Variants in FRMD4A observed in about 807,000 individuals in gnomAD.
The protein encoded by FRMD4A is FERM domain containing 4A, also known as FERM domain-containing protein 4A.
FRMD4A carries 29 observed loss-of-function variants against 129.1 expected under a neutral mutation model. The observed-to-expected ratio is 0.22, with a 90% CI of 0.17 to 0.31. The LOEUF is 0.31. Ranked by LOEUF, FRMD4A falls within the 10% of genes least tolerant of loss-of-function variation. The pLI is 1.00. For missense variants in FRMD4A, 1,272 were observed against 1,375.8 expected, an observed-to-expected ratio of 0.92 and a Z score of 1.19; for synonymous variants, 634 against 571.6, an observed-to-expected ratio of 1.11 and a Z score of -1.56.
At chr10:13,955,922 T>C (rs2095407458) in intron 2 of FRMD4A, among the ~76,000 whole-genome samples, 1 of 152,356 alleles carries the variant, frequency 6.6e-6, no homozygotes, top group South Asian at 2.1e-4. Context: ...GTTTCTCCCA[T>C]TCTTGGCTTG....
intron 2 of FRMD4A, among the ~76,000 whole-genome samples, chr10:14,055,541 G>C (rs1588881426): frequency 6.6e-6 from 1 of 151,350 alleles, no homozygotes; most frequent in African/African-American, 2.4e-5. Context: ...CAAACTATAC[G>C]ATCACTAGAT....
chr10:14,313,991 C>G (rs1846647268), intron 2 of FRMD4A, among the ~76,000 whole-genome samples: 1 of 152,146 alleles, frequency 6.6e-6, no homozygotes, highest in Non-Finnish European at 1.5e-5. Flanking sequence ...CAAAGTCCAC[C>G]CTAATTAGGT....
At chr10:13,656,283 G>T (rs1233882449) in intron 22 of FRMD4A, among the ~76,000 whole-genome samples, 1 of 152,162 alleles carries the variant, frequency 6.6e-6, no homozygotes, top group Non-Finnish European at 1.5e-5. Context: ...CTCCTCACTA[G>T]GGTAAAAGAC....
intron 24 of FRMD4A, chr10:13,651,688 CTG>C: frequency 7.1e-6 from 4 of 567,034 alleles, no homozygotes; most frequent in Non-Finnish European, 1.3e-5. Flanking sequence ...AAAACATACT[CTG>C]GGGGTCTTTT....
chr10:13,755,599 C>T (rs183982585), intron 8 of FRMD4A, among the ~76,000 whole-genome samples: 1 of 152,174 alleles, frequency 6.6e-6, no homozygotes, highest in Non-Finnish European at 1.5e-5. Context: ...AGGTGAAAAT[C>T]AATTTTCCTT....
At chr10:14,264,644 A>T (rs1018668) in intron 2 of FRMD4A, among the ~76,000 whole-genome samples, 14,342 of 152,246 alleles carry the variant, frequency 0.094, 1,658 homozygotes, top group African/African-American at 0.27. Context: ...GAATTCCTAC[A>T]GACTATTTAA....
chr10:13,722,869 TTGGTTAGCTAGGTCACCATGC>T (rs1430778812), intron 12 of FRMD4A, among the ~76,000 whole-genome samples: 2 of 151,370 alleles, frequency 1.3e-5, no homozygotes, highest in African/African-American at 4.9e-5. Context: ...GGTCCCTATG[TTGGTTAGCTAGGTCACCATGC>T]TGGTTAGCTA....
chr10:14,230,440 A>C (rs974967995), intron 2 of FRMD4A, among the ~76,000 whole-genome samples: 1 of 152,188 alleles, frequency 6.6e-6, no homozygotes, highest in Admixed American at 6.5e-5. Flanking sequence ...CTAAATCACA[A>C]AATGATTGTG....
chr10:14,318,155 T>C (rs1589305338), intron 2 of FRMD4A, among the ~76,000 whole-genome samples: 1 of 152,290 alleles, frequency 6.6e-6, no homozygotes, highest in East Asian at 1.9e-4. Context: ...ACAATATTAA[T>C]GACCAACTAG....
At chr10:14,036,489 T>C (rs1276800784) in intron 2 of FRMD4A, among the ~76,000 whole-genome samples, 3 of 152,192 alleles carry the variant, frequency 2.0e-5, no homozygotes, top group African/African-American at 7.2e-5. Flanking sequence ...GAGCGGAGTA[T>C]AGTGATGCTT....
At chr10:14,044,873 A>C (rs1833921889) in intron 2 of FRMD4A, among the ~76,000 whole-genome samples, 1 of 152,208 alleles carries the variant, frequency 6.6e-6, no homozygotes, top group South Asian at 2.1e-4. Context: ...CGTCTACCAG[A>C]TTGAATTCAG....
At chr10:13,796,679 A>T in intron 4 of FRMD4A, 91 bp from the exon 5 acceptor site, 1 of 694,852 alleles carries the variant, frequency 1.4e-6, no homozygotes. Flanking sequence ...AACGTGCTGG[A>T]TCGTAGATAA....
At chr10:13,782,635 G>C (rs1458855898) in intron 6 of FRMD4A, among the ~76,000 whole-genome samples, 1 of 151,880 alleles carries the variant, frequency 6.6e-6, no homozygotes, top group Non-Finnish European at 1.5e-5. Context: ...GTAGAGACAG[G>C]GTTTCACCAC....
At chr10:13,863,057 A>T (rs1304254102) in intron 2 of FRMD4A, among the ~76,000 whole-genome samples, 1 of 152,020 alleles carries the variant, frequency 6.6e-6, no homozygotes, top group Non-Finnish European at 1.5e-5. Context: ...GTCAACTGGC[A>T]ACCATTCCAA....
At chr10:14,245,313 C>T (rs1204084759) in intron 2 of FRMD4A, among the ~76,000 whole-genome samples, 11 of 152,174 alleles carry the variant, frequency 7.2e-5, no homozygotes, top group Admixed American at 7.2e-4. Context: ...GAGGTATGGG[C>T]AGGTTATTTG....
chr10:14,266,618 T>A (rs1844990063), intron 2 of FRMD4A, among the ~76,000 whole-genome samples: 1 of 152,018 alleles, frequency 6.6e-6, no homozygotes, highest in Non-Finnish European at 1.5e-5. Context: ...AAAAGATTCA[T>A]GATATAAAGA....
intron 2 of FRMD4A, chr10:13,866,413 C>G (rs931023316): frequency 4.7e-5 from 10 of 214,548 alleles, no homozygotes; most frequent in Non-Finnish European, 6.4e-5. Flanking sequence ...CTACAACTTC[C>G]CGGCACAAGT....
At chr10:13,810,050 T>C (rs1382905068) in intron 4 of FRMD4A, among the ~76,000 whole-genome samples, 1 of 152,100 alleles carries the variant, frequency 6.6e-6, no homozygotes, top group Non-Finnish European at 1.5e-5. Flanking sequence ...TAGGAAATCA[T>C]CTCTGTATTT....
At chr10:13,698,438 G>A (rs769929436) in intron 14 of FRMD4A, among the ~76,000 whole-genome samples, 2 of 152,170 alleles carry the variant, frequency 1.3e-5, no homozygotes, top group Admixed American at 6.5e-5. Flanking sequence ...CCCAGAGGCC[G>A]TGCTGCCCAT....
Sources: allele counts gnomAD v4.1 joint callset (sites outside exome capture counted in the v4.1 genomes callset), GRCh38; gene constraint gnomAD v4.1.1; transcripts MANE v1.5; gene names NCBI Gene and HGNC (gene_info 2026-07-23, HGNC 2026-07-21).